Variants in NRF1 observed in about 807,000 individuals in gnomAD.
The protein encoded by NRF1 is alpha palindromic-binding protein.
Under a neutral mutation model 58.5 loss-of-function variants are expected in NRF1, and 5 were observed. The observed-to-expected ratio is 0.09, with a 90% CI of 0.04 to 0.18. The LOEUF is 0.18. Ranked by LOEUF, NRF1 falls within the 10% of genes least tolerant of loss-of-function variation. The pLI, the probability that NRF1 is intolerant of heterozygous loss-of-function variation, is 1.00. For synonymous variants in NRF1, 224 were observed against 246.7 expected (o/e 0.91, Z 0.86); for missense variants, 288 against 657.7 (o/e 0.44, Z 6.15).
intron 10 of NRF1, among the ~76,000 whole-genome samples, chr7:129,750,380 G>A (rs913105324): frequency 6.6e-6 from 1 of 152,206 alleles, no homozygotes; most frequent in Non-Finnish European, 1.5e-5. Flanking sequence ...CAGGCCTCCA[G>A]CCCCTCCCCC....
Position 129,695,949 on chromosome 7 carries a change from G to A in NRF1, c.606+5403G>A, listed in dbSNP as rs545559039. Among the ~76,000 whole-genome samples the A allele has an allele frequency of 1.0e-4, 15 of 150,468 alleles. No individual in the cohort carries two copies. The South Asian group carries it at 2.5e-3, about 25-fold the overall frequency. On this transcript the variant is annotated intron_variant, in intron 5 of 10. Transcript: ENST00000393232. Reference sequence around the variant, plus strand: ...TTTAAAGTGCAAAGTTAGGCCGGGCGCAGTGGCTCACACCTGTAATCCCAG... The same window carrying A: ...TTTAAAGTGCAAAGTTAGGCCGGGCACAGTGGCTCACACCTGTAATCCCAG...
chr7:129,700,902 C>T (rs1802810074), intron 5 of NRF1, among the ~76,000 whole-genome samples: 1 of 151,816 alleles, frequency 6.6e-6, no homozygotes, highest in African/African-American at 2.4e-5. Context: ...AGCAAAAGAG[C>T]GAGACCCTGT....
chr7:129,635,370 T>TTTTG (rs749003343), intron 1 of NRF1, among the ~76,000 whole-genome samples: 5 of 152,182 alleles, frequency 3.3e-5, no homozygotes, highest in East Asian at 1.9e-4. Flanking sequence ...CTGTTACAGT[T>TTTTG]TTTGTTTGTT....
chr7:129,744,889 C>T (rs574247563), intron 10 of NRF1, among the ~76,000 whole-genome samples: 20 of 151,614 alleles, frequency 1.3e-4, no homozygotes, highest in Non-Finnish European at 2.7e-4. Context: ...CTTGCCTCAG[C>T]GTATCCCTGC....
intron 1 of NRF1, among the ~76,000 whole-genome samples, chr7:129,625,427 A>G (rs921400474): frequency 6.6e-6 from 1 of 152,160 alleles, no homozygotes; most frequent in Admixed American, 6.5e-5. Context: ...GTCACTTACT[A>G]AGTTTGCAAC....
intron 1 of NRF1, among the ~76,000 whole-genome samples, chr7:129,623,543 T>C (rs557184897): frequency 1.1e-4 from 16 of 152,322 alleles, no homozygotes; most frequent in African/African-American, 3.8e-4. Flanking sequence ...CTCAAAGGTA[T>C]CTTTCTTAAA....
At chr7:129,628,159 T>A (rs1164331428) in intron 1 of NRF1, among the ~76,000 whole-genome samples, 2 of 146,578 alleles carry the variant, frequency 1.4e-5, no homozygotes, top group Non-Finnish European at 3.0e-5. Flanking sequence ...TTCTCCTACC[T>A]CAGCCTCCCA....
At chr7:129,750,026 C>T (rs1330677771) in intron 10 of NRF1, among the ~76,000 whole-genome samples, 1 of 152,038 alleles carries the variant, frequency 6.6e-6, no homozygotes, top group Non-Finnish European at 1.5e-5. Context: ...GCCCTGTGGA[C>T]TTCTCTAGGG....
At chr7:129,744,377 A>G (rs1803922288) in intron 10 of NRF1, 4 of 591,210 alleles carry the variant, frequency 6.8e-6, no homozygotes, top group South Asian at 4.3e-5. Context: ...TTTAGTAACC[A>G]TTGATTCCAT....
chr7:129,722,975 T>C (rs993348418), intron 9 of NRF1, among the ~76,000 whole-genome samples: 3 of 152,270 alleles, frequency 2.0e-5, no homozygotes, highest in Non-Finnish European at 2.9e-5. Context: ...TACAGTTTTC[T>C]TCTTCAGACT....
chr7:129,715,746 A>G (rs371205253), intron 8 of NRF1, among the ~76,000 whole-genome samples: 1 of 152,128 alleles, frequency 6.6e-6, no homozygotes, highest in Admixed American at 6.6e-5. Context: ...ATATAATGCA[A>G]TGCTTCCCAG....
chr7:129,683,633 A>ATTTTT (rs36101502), intron 4 of NRF1, among the ~76,000 whole-genome samples: 1 of 117,436 alleles, frequency 8.5e-6, no homozygotes, highest in Admixed American at 9.4e-5. Context: ...ACTGGCCGGA[A>ATTTTT]TTTTTTTTTT....
At chr7:129,611,978 CG>C in intron 1 of NRF1, among the ~76,000 whole-genome samples, 154 bp downstream of exon 1, 2 of 148,682 alleles carry the variant, frequency 1.3e-5, no homozygotes, top group South Asian at 4.1e-4. Context: ...CCGCCTCGGG[CG>C]GGGGGCCCCG....
chr7:129,670,416 A>G (rs775560775), intron 2 of NRF1, among the ~76,000 whole-genome samples: 3 of 152,224 alleles, frequency 2.0e-5, no homozygotes, highest in Non-Finnish European at 4.4e-5. Flanking sequence ...AAAGAAAGGT[A>G]AAAAGCAGTT....
At chr7:129,691,538 A>G (rs951965636) in intron 5 of NRF1, among the ~76,000 whole-genome samples, 38 of 151,422 alleles carry the variant, frequency 2.5e-4, no homozygotes, top group African/African-American at 9.0e-4. Flanking sequence ...TTTTTTTAGT[A>G]GAGATGGGGT....
chr7:129,718,298 A>G (rs1475647225), intron 9 of NRF1, among the ~76,000 whole-genome samples: 1 of 152,166 alleles, frequency 6.6e-6, no homozygotes, highest in African/African-American at 2.4e-5. Flanking sequence ...GTCACTTACA[A>G]GCTGTTTGGC....
Position 129,616,040 on chromosome 7 carries a change from AAT to A in NRF1, c.-7+4228_-7+4229del, listed in dbSNP as rs201544557. On this transcript the variant is annotated intron_variant, in intron 1 of 10. Transcript: ENST00000393232. Reference sequence around the variant, plus strand: ...AATAAGTGGATTGCTTATACCTTAGAATATATATATATACACACACACATATA... The same window carrying A: ...AATAAGTGGATTGCTTATACCTTAGAATATATATATACACACACACATATA... Among the ~76,000 whole-genome samples the A allele has an allele frequency of 7.4e-3, 1,125 of 151,924 alleles. 10 individuals carry two copies. Among genetic ancestry groups the A allele is most frequent in the Non-Finnish European group, 0.012 (807 of 67,944 alleles).
intron 10 of NRF1, among the ~76,000 whole-genome samples, chr7:129,740,912 T>C (rs550833875): frequency 6.6e-6 from 1 of 152,304 alleles, no homozygotes; most frequent in South Asian, 2.1e-4. Context: ...GATAGGCCAG[T>C]AGCTGTCATT....
At chr7:129,703,302 C>T (rs1032813397) in intron 5 of NRF1, among the ~76,000 whole-genome samples, 12 of 152,110 alleles carry the variant, frequency 7.9e-5, no homozygotes, top group African/African-American at 2.2e-4. Context: ...AATTAAAGGA[C>T]GGTCTGAGAG....
Sources: allele counts gnomAD v4.1 joint callset (sites outside exome capture counted in the v4.1 genomes callset), GRCh38; gene constraint gnomAD v4.1.1; transcripts MANE v1.5; gene names NCBI Gene and HGNC (gene_info 2026-07-23, HGNC 2026-07-21).